The following MSRA variants were observed in gnomAD, a reference collection of about 807,000 sequenced individuals.
MSRA encodes mitochondrial peptide methionine sulfoxide reductase.
In MSRA, 54 loss-of-function variants were observed where a neutral mutation model predicts 31.3. The observed-to-expected ratio is 1.73, with a 90% CI of 1.39 to 2.17. MSRA has a LOEUF of 2.17. MSRA is among the 30% of genes most tolerant of loss of function. The pLI is 0.00. For synonymous variants in MSRA, 169 were observed against 116.5 expected (o/e 1.45, Z -2.90); for missense variants, 507 against 300.9 (o/e 1.69, Z -5.07).
chr8:10,185,703 G>A (rs1297764327), intron 1 of MSRA, among the ~76,000 whole-genome samples: 3 of 152,128 alleles, frequency 2.0e-5, no homozygotes, highest in East Asian at 1.9e-4. Context: ...CTACTGTGAC[G>A]CTTTTTGTGG....
chr8:10,305,808 A>G (rs972577084), intron 4 of MSRA, among the ~76,000 whole-genome samples: 1 of 152,212 alleles, frequency 6.6e-6, no homozygotes, highest in Non-Finnish European at 1.5e-5. Context: ...GAGACCTGTT[A>G]TTCCACAGCC....
intron 3 of MSRA, among the ~76,000 whole-genome samples, chr8:10,300,607 G>A (rs573812132): frequency 1.3e-5 from 2 of 152,160 alleles, no homozygotes; most frequent in African/African-American, 4.8e-5. Context: ...CAGGCTACTC[G>A]AACTCCTGAC....
At chr8:10,346,407 C>T (rs1343870300) in intron 5 of MSRA, among the ~76,000 whole-genome samples, 1 of 152,216 alleles carries the variant, frequency 6.6e-6, no homozygotes, top group African/African-American at 2.4e-5. Flanking sequence ...CCCTCCCCCA[C>T]TCTAGGGACT....
At chr8:10,397,243 G>C (rs576080368) in intron 5 of MSRA, among the ~76,000 whole-genome samples, 43 of 152,320 alleles carry the variant, frequency 2.8e-4, no homozygotes, top group African/African-American at 1.0e-3. Context: ...GTAGAGGTAT[G>C]AACAAACCAG....
At chr8:10,268,067 A>C (rs976588729) in intron 3 of MSRA, among the ~76,000 whole-genome samples, 3 of 152,140 alleles carry the variant, frequency 2.0e-5, no homozygotes, top group African/African-American at 4.8e-5. Flanking sequence ...AAGACCTGTA[A>C]TTTTTATTTA....
intron 2 of MSRA, among the ~76,000 whole-genome samples, chr8:10,210,262 G>A (rs992182527): frequency 6.6e-6 from 1 of 152,160 alleles, no homozygotes; most frequent in Non-Finnish European, 1.5e-5. Context: ...GAGCCACTTG[G>A]CCAAGGAGGT....
rs749099900 is a variant in MSRA, at chr8:10,245,080, TTTTTTTC to T, written c.212-10_212-4del. The T allele has an allele frequency of 6.2e-7, 1 of 1,609,004 alleles. No homozygotes were observed. Among genetic ancestry groups the T allele is most frequent in the Middle Eastern group, 1.7e-4 (1 of 6,034 alleles). The stretch of plus-strand genomic sequence containing the variant: ...TTTGTTTTGAATAATCAGTATCCTT[TTTTTTTC>T]TTTTTTCTTTTTTAAGGAATGGGAT... On this transcript the variant is annotated splice_polypyrimidine_tract_variant and intron_variant, in intron 2 of 5. Coordinates refer to ENST00000317173, the MANE Select transcript of MSRA (RefSeq NM_012331.5).
chr8:10,248,504 G>T (rs1278314833), intron 3 of MSRA, among the ~76,000 whole-genome samples: 1 of 152,120 alleles, frequency 6.6e-6, no homozygotes, highest in Non-Finnish European at 1.5e-5. Context: ...AGGAACCATC[G>T]GCTCAAGTTT....
At chr8:10,419,999 T>A (rs763526341) in intron 5 of MSRA, among the ~76,000 whole-genome samples, 10 of 152,102 alleles carry the variant, frequency 6.6e-5, no homozygotes, top group Admixed American at 1.3e-4. Context: ...CGAGGTGTCT[T>A]TGTGGGGTGT....
At chr8:10,176,098 T>G (rs1268991323) in intron 1 of MSRA, among the ~76,000 whole-genome samples, 1 of 152,212 alleles carries the variant, frequency 6.6e-6, no homozygotes, top group Non-Finnish European at 1.5e-5. Context: ...ACCTATTAGA[T>G]CTGTAATAAT....
intron 1 of MSRA, among the ~76,000 whole-genome samples, chr8:10,068,635 C>G (rs750685167): frequency 6.6e-6 from 1 of 152,178 alleles, no homozygotes; most frequent in African/African-American, 2.4e-5. Context: ...GGGTCTATTT[C>G]TGGGCTCCTT....
intron 3 of MSRA, among the ~76,000 whole-genome samples, chr8:10,285,812 A>G (rs1487979464): frequency 6.6e-6 from 1 of 152,196 alleles, no homozygotes; most frequent in Non-Finnish European, 1.5e-5. Context: ...GTTATCTTAA[A>G]TGACAGTTTT....
At chr8:10,174,006 G>A (rs1319135509) in intron 1 of MSRA, among the ~76,000 whole-genome samples, 2 of 152,154 alleles carry the variant, frequency 1.3e-5, no homozygotes, top group Non-Finnish European at 1.5e-5. Flanking sequence ...AAGACAAGAT[G>A]TGAGGACTCG....
At chr8:10,247,869 C>T (rs931029496) in intron 3 of MSRA, among the ~76,000 whole-genome samples, 8 of 152,134 alleles carry the variant, frequency 5.3e-5, no homozygotes, top group Non-Finnish European at 1.0e-4. Context: ...AGTGGTACAG[C>T]CTTCAGATCC....
intron 1 of MSRA, among the ~76,000 whole-genome samples, chr8:10,061,981 T>C (rs1029799839): frequency 2.0e-5 from 3 of 152,126 alleles, no homozygotes; most frequent in African/African-American, 7.2e-5. Context: ...CAGGAGTTAT[T>C]GTGAGCCCCT....
intron 3 of MSRA, among the ~76,000 whole-genome samples, chr8:10,298,638 G>C (rs1015980357): frequency 1.3e-5 from 2 of 151,278 alleles, no homozygotes; most frequent in Non-Finnish European, 2.9e-5. Context: ...AAAAAATCAT[G>C]AGCATTAAAT....
At chr8:10,065,240 G>A (rs1797399101) in intron 1 of MSRA, among the ~76,000 whole-genome samples, 1 of 152,092 alleles carries the variant, frequency 6.6e-6, no homozygotes, top group Non-Finnish European at 1.5e-5. Context: ...TGATAACAGA[G>A]GGCACTCAGG....
At chr8:10,085,717 C>T (rs1013216795) in intron 1 of MSRA, among the ~76,000 whole-genome samples, 4 of 152,206 alleles carry the variant, frequency 2.6e-5, no homozygotes, top group Non-Finnish European at 5.9e-5. Flanking sequence ...TGTCATCACC[C>T]CCAAAAGTTG....
In MSRA at chr8:10,212,751, A is replaced by T. The variant is rs1425311354; in HGVS notation, c.211+4850A>T. ...TCAGATGGTAGAGTGGTCATCCTTA[A>T]CCAGTTTGGAGGTGGGGCTATGTAG... On this transcript the variant is annotated intron_variant, in intron 2 of 5. Coordinates refer to ENST00000317173, the MANE Select transcript of MSRA (RefSeq NM_012331.5). Among the ~76,000 whole-genome samples, 5 of 152,288 alleles carry T rather than the reference A, an allele frequency of 3.3e-5. No homozygotes were observed. In the East Asian group the frequency reaches 9.6e-4, roughly 29 times the overall value.
Sources: gnomAD v4.1 joint callset for allele counts (sites outside exome capture counted in the v4.1 genomes callset) on GRCh38, gnomAD v4.1.1 for gene constraint, MANE v1.5 for transcripts, NCBI Gene and HGNC (gene_info 2026-07-23, HGNC 2026-07-21) for gene names.